Variants in PRELID2 observed in about 807,000 individuals in gnomAD.
PRELID2 encodes PRELI domain containing 2.
PRELID2 carries 25 observed loss-of-function variants against 28.4 expected under a neutral mutation model. The observed-to-expected ratio is 0.88, with a 90% CI of 0.64 to 1.23. The LOEUF (loss-of-function observed/expected upper bound fraction) is 1.23, where lower values mean the gene tolerates loss of function less well. Among genes scored for constraint, PRELID2 ranks in the 50% most tolerant of loss-of-function variants. The pLI, the probability that PRELID2 is intolerant of heterozygous loss-of-function variation, is 0.00. For synonymous variants in PRELID2, 76 were observed against 71.6 expected, an observed-to-expected ratio of 1.06 and a Z score of -0.31; for missense variants, 201 against 214.4, an observed-to-expected ratio of 0.94 and a Z score of 0.39.
intron 4 of PRELID2, among the ~76,000 whole-genome samples, chr5:145,801,420 T>C (rs933887981): frequency 6.6e-6 from 1 of 152,158 alleles, no homozygotes; most frequent in Non-Finnish European, 1.5e-5. Context: ...CCTCAAGACA[T>C]ATAAGGATGA....
At chr5:145,798,772 G>A (rs1318480833) in intron 4 of PRELID2, among the ~76,000 whole-genome samples, 1 of 152,046 alleles carries the variant, frequency 6.6e-6, no homozygotes, top group Non-Finnish European at 1.5e-5. Flanking sequence ...CTATCATAAA[G>A]ACAGAAAACC....
the PRELID2 span, among the ~76,000 whole-genome samples, chr5:145,313,581 C>A: frequency 2.7e-4 from 41 of 152,244 alleles, no homozygotes; most frequent in African/African-American, 8.4e-4. Context: ...ACTGTGGGAC[C>A]CCTGTAGGTG....
the PRELID2 span, among the ~76,000 whole-genome samples, chr5:145,334,256 A>T: frequency 6.6e-6 from 1 of 152,202 alleles, no homozygotes; most frequent in Non-Finnish European, 1.5e-5. Flanking sequence ...TTTTTTGGTT[A>T]CTATGAGGCT....
chr5:145,790,721 G>GTGTATATA lies in PRELID2; in HGVS notation c.474+5720_474+5721insTATATACA, dbSNP rs772901344. Among the ~76,000 whole-genome samples the GTGTATATA allele has an allele frequency of 2.9e-3, 319 of 110,898 alleles. 2 individuals carry two copies. The highest frequency in any genetic ancestry group is 8.9e-3 in the African/African-American group (292 of 32,678). 72.8% of individuals were successfully genotyped at this position (110,898 alleles called of 152,430 possible). A position where few individuals can be genotyped will look rare whatever the true frequency, so the allele number is the denominator to read the frequency against. On this transcript the variant is annotated intron_variant, in intron 5 of 6. Transcript: ENST00000683046. ...CCACATTGTGTGTGTGTGTGTGTGT[G>GTGTATATA]TATATATATATATATATATATATAT...
intron 1 of PRELID2, among the ~76,000 whole-genome samples, chr5:145,615,483 C>T (rs988174665): frequency 7.0e-6 from 1 of 143,446 alleles, no homozygotes; most frequent in East Asian, 2.0e-4. Flanking sequence ...CCCGCCACCT[C>T]GCCCGGCTAA....
chr5:145,652,816 T>C (rs1387532105), intron 1 of PRELID2, among the ~76,000 whole-genome samples: 1 of 152,140 alleles, frequency 6.6e-6, no homozygotes, highest in Non-Finnish European at 1.5e-5. Flanking sequence ...GTAAAGACCA[T>C]CGATGCTAGA....
chr5:145,809,926 G>T (rs1753814894), intron 4 of PRELID2, among the ~76,000 whole-genome samples: 1 of 152,170 alleles, frequency 6.6e-6, no homozygotes, highest in Non-Finnish European at 1.5e-5. Context: ...TCAAATGCAT[G>T]TCAATTATAT....
chr5:145,804,895 A>G (rs1753393162), intron 4 of PRELID2, among the ~76,000 whole-genome samples: 1 of 152,170 alleles, frequency 6.6e-6, no homozygotes, highest in Non-Finnish European at 1.5e-5. Flanking sequence ...TTGGGATATC[A>G]GGCCCAACAG....
the PRELID2 span, among the ~76,000 whole-genome samples, chr5:145,458,734 G>T: frequency 2.1e-3 from 322 of 152,198 alleles, 2 homozygotes; most frequent in African/African-American, 7.4e-3. Flanking sequence ...TACTCCAATT[G>T]TAATAGGGTT....
intron 1 of PRELID2, among the ~76,000 whole-genome samples, chr5:145,741,416 T>TAAAC (rs1479409557): frequency 8.9e-6 from 1 of 112,930 alleles, no homozygotes; most frequent in Non-Finnish European, 1.6e-5. Context: ...AATTTATTTA[T>TAAAC]AATTTATTTA....
intron 5 of PRELID2, 60 bp from the exon 6 acceptor site, chr5:145,765,060 T>A (rs1178599258): frequency 8.5e-7 from 1 of 1,172,168 alleles, no homozygotes; most frequent in Admixed American, 2.1e-5. Flanking sequence ...ACTTTTACAT[T>A]TATCACAACC....
intron 1 of PRELID2, among the ~76,000 whole-genome samples, chr5:145,568,639 C>G (rs1752989338): frequency 6.6e-6 from 1 of 152,228 alleles, no homozygotes; most frequent in South Asian, 2.1e-4. Flanking sequence ...GCCATCTTCT[C>G]AGGAGAAAGA....
the PRELID2 span, among the ~76,000 whole-genome samples, chr5:145,340,488 C>T: frequency 6.6e-6 from 1 of 152,082 alleles, no homozygotes; most frequent in East Asian, 1.9e-4. Context: ...GGCTTTCAGG[C>T]TGGGCATGGT....
chr5:145,446,882 A>G, the PRELID2 span, among the ~76,000 whole-genome samples: 2 of 151,860 alleles, frequency 1.3e-5, no homozygotes, highest in African/African-American at 2.4e-5. Context: ...CCTCGTCTCT[A>G]CTAGAAATAC....
intron 5 of PRELID2, among the ~76,000 whole-genome samples, chr5:145,786,042 C>T (rs1017912354): frequency 1.1e-4 from 17 of 152,198 alleles, no homozygotes; most frequent in African/African-American, 4.1e-4. Context: ...TTTGTGCCTA[C>T]TTATAAATAA....
At chr5:145,832,116 G>A (rs888270099) in intron 1 of PRELID2, among the ~76,000 whole-genome samples, 10 of 152,194 alleles carry the variant, frequency 6.6e-5, no homozygotes, top group African/African-American at 2.4e-4. Flanking sequence ...CCACTTAGCT[G>A]AGCAAACCCT....
chr5:145,817,447 A>ATATATATATATATC (rs1293005630), intron 4 of PRELID2, among the ~76,000 whole-genome samples: 1 of 130,252 alleles, frequency 7.7e-6, no homozygotes, highest in Non-Finnish European at 1.7e-5. Flanking sequence ...ATATATATAT[A>ATATATATATATATC]TCACATGGTT....
the PRELID2 span, chr5:145,230,161 CAA>C: frequency 4.6e-6 from 2 of 434,698 alleles, no homozygotes; most frequent in Non-Finnish European, 8.7e-6. Context: ...CCCCAGCTGG[CAA>C]CCTAGTGGGG....
rs191643542 is a variant in PRELID2 at position 145,533,106 on chromosome 5, C to A, written n.71-59791G>T. Among the ~76,000 whole-genome samples the A allele has an allele frequency of 2.0e-4, 30 of 152,184 alleles. No individual in the cohort carries two copies. The South Asian group carries it at 6.2e-3, about 32-fold the overall frequency. ...ATGGGTCTTGACCACATGGTTCACA[C>A]TAAATATATGTTATTACTATTATCC... On this transcript the variant is annotated intron_variant and non_coding_transcript_variant, in intron 1 of 2. Transcript: ENST00000510259.
Sources: gnomAD v4.1 joint callset for allele counts (sites outside exome capture counted in the v4.1 genomes callset) on GRCh38, gnomAD v4.1.1 for gene constraint, MANE v1.5 for transcripts, NCBI Gene and HGNC (gene_info 2026-07-23, HGNC 2026-07-21) for gene names.